Variants in USP34 observed in about 807,000 individuals in gnomAD.
USP34 encodes ubiquitin carboxyl-terminal hydrolase 34.
USP34 carries 70 observed loss-of-function variants against 460.3 expected under a neutral mutation model. The observed-to-expected ratio is 0.15, with a 90% CI of 0.13 to 0.19. The LOEUF is 0.19. USP34 is among the 10% of genes least tolerant of loss of function. The pLI, the probability that USP34 is intolerant of heterozygous loss-of-function variation, is 1.00. For synonymous variants in USP34, 1,647 were observed against 1,405.3 expected, an observed-to-expected ratio of 1.17 and a Z score of -3.85; for missense variants, 3,985 against 4,236.2, an observed-to-expected ratio of 0.94 and a Z score of 1.65.
rs116517111 is a variant in USP34, at chr2:61,240,966, C to T, written c.6777+594G>A. Among the ~76,000 whole-genome samples, 942 of 152,194 alleles carry T rather than the reference C, an allele frequency of 6.2e-3. 9 individuals carry two copies. The highest frequency in any genetic ancestry group is 0.021 in the African/African-American group (862 of 41,498). On this transcript the variant is annotated intron_variant, in intron 53 of 79. Coordinates refer to ENST00000398571, the MANE Select transcript of USP34 (RefSeq NM_014709.4). ...CACAACAGAAGGAACACTTACAAAC[C>T]CATCATCCAATCTAAGAAGCAAAAC... is the stretch of plus-strand genomic sequence containing the variant.
chr2:61,274,144 C>T (rs535124420), intron 41 of USP34, among the ~76,000 whole-genome samples: 110 of 151,886 alleles, frequency 7.2e-4, no homozygotes, highest in Non-Finnish European at 1.1e-3. Flanking sequence ...AATGCCAGCA[C>T]TTTGGGAGGT....
chr2:61,420,357 A>C (rs2103971512), intron 2 of USP34, among the ~76,000 whole-genome samples: 1 of 152,336 alleles, frequency 6.6e-6, no homozygotes, highest in East Asian at 1.9e-4. Context: ...TAATACACAT[A>C]ATTATAGAAA....
In USP34 at chr2:61,319,160, G is replaced by T. The variant is rs771506978; in HGVS notation, c.3168+13C>A. On this transcript the variant is annotated intron_variant, in intron 22 of 79. Coordinates refer to ENST00000398571, the MANE Select transcript of USP34 (RefSeq NM_014709.4). ...ATGGAAAAATAATAACAAACTGAGA[G>T]AAATGTAATTACCTTCTCCAGGAAA... is the stretch of plus-strand genomic sequence containing the variant. 48 of 1,538,374 alleles carry T rather than the reference G, an allele frequency of 3.1e-5. No individual in the cohort carries two copies. The highest frequency in any genetic ancestry group is 4.0e-5 in the Non-Finnish European group (46 of 1,151,930).
intron 1 of USP34, among the ~76,000 whole-genome samples, chr2:61,465,047 A>C (rs149669386): frequency 2.2e-4 from 34 of 152,190 alleles, no homozygotes; most frequent in African/African-American, 7.0e-4. Flanking sequence ...AAGCTTTTTA[A>C]ATGTTTTTAA....
At chr2:61,429,439 T>C (rs1002984584) in intron 1 of USP34, among the ~76,000 whole-genome samples, 3 of 151,942 alleles carry the variant, frequency 2.0e-5, no homozygotes, top group Admixed American at 6.6e-5. Context: ...AGAGCGAGAC[T>C]CCGTCTCAAA....
At chr2:61,410,131 T>G (rs556553854) in intron 2 of USP34, among the ~76,000 whole-genome samples, 27 of 152,202 alleles carry the variant, frequency 1.8e-4, no homozygotes, top group Non-Finnish European at 3.1e-4. Context: ...ACACATTACA[T>G]CTATTGTGCA....
chr2:61,248,682 C>T lies in USP34; in HGVS notation c.6223G>A (p.Ala2075Thr). 3 of 1,543,440 alleles carry T rather than the reference C, an allele frequency of 1.9e-6. No individual in the cohort carries two copies. Among genetic ancestry groups the T allele is most frequent in the Non-Finnish European group, 1.7e-6 (2 of 1,142,854 alleles). The change falls in exon 49 of 80, where the codon GCA becomes ACA. Residue 2075 changes from alanine (A) to threonine (T), a missense_variant and splice_region_variant. This residue lies in a region of USP34 where 145 missense variants were observed against 291.6 expected (regional missense o/e 0.50). Coordinates refer to ENST00000398571, the MANE Select transcript of USP34 (RefSeq NM_014709.4). ...CGKKVRAEKRACFKKLPRILS... is the reference protein window; with the variant it reads ...CGKKVRAEKRTCFKKLPRILS... ...ATGCGAGGCAATTTCTTAAAACATG[C>T]CCTGAGAGACAAGAAAAAAATTAAT...
intron 62 of USP34, chr2:61,223,548 A>T: frequency 2.4e-6 from 1 of 414,476 alleles, no homozygotes. Flanking sequence ...TATATAAAAC[A>T]GTAGGATGGG....
At chr2:61,275,923 A>T (rs1057255258) in intron 41 of USP34, among the ~76,000 whole-genome samples, 2 of 152,220 alleles carry the variant, frequency 1.3e-5, no homozygotes, top group African/African-American at 4.8e-5. Context: ...AAGTAAAAAA[A>T]TAGTAATAAT....
At chr2:61,420,252 C>A (rs559730428) in intron 2 of USP34, among the ~76,000 whole-genome samples, 1 of 152,128 alleles carries the variant, frequency 6.6e-6, no homozygotes, top group South Asian at 2.1e-4. Flanking sequence ...CATTGAGGAA[C>A]AGGAATCCTT....
chr2:61,388,898 T>G (rs375593096), intron 5 of USP34, among the ~76,000 whole-genome samples: 1 of 151,958 alleles, frequency 6.6e-6, no homozygotes, highest in Non-Finnish European at 1.5e-5. Context: ...CTGACACCCA[T>G]ATGAACTGTA....
At chr2:61,288,161 G>A (rs1169806331) in intron 34 of USP34, among the ~76,000 whole-genome samples, 1 of 152,202 alleles carries the variant, frequency 6.6e-6, no homozygotes, top group Admixed American at 6.5e-5. Context: ...GAGCATAAGA[G>A]CGTAACTGCT....
At chr2:61,343,686 C>G (rs1328379316) in intron 16 of USP34, 129 bp downstream of exon 16, 12 of 921,170 alleles carry the variant, frequency 1.3e-5, no homozygotes, top group Non-Finnish European at 1.9e-5. Context: ...AAAAAACTAC[C>G]ATATGTAAGT....
chr2:61,395,098 C>T (rs1693475924), intron 4 of USP34, 85 bp downstream of exon 4: 2 of 1,445,590 alleles, frequency 1.4e-6, no homozygotes, highest in African/African-American at 1.5e-5. Context: ...ACTCAAAAGA[C>T]ATATATAAAT....
chr2:61,243,855 T>C (rs1195526938), intron 51 of USP34, among the ~76,000 whole-genome samples: 1 of 149,236 alleles, frequency 6.7e-6, no homozygotes, highest in Non-Finnish European at 1.5e-5. Context: ...GGTGACAGAG[T>C]GAGACTGTCT....
chr2:61,469,716 T>A (rs553108394), intron 1 of USP34, among the ~76,000 whole-genome samples: 1 of 152,220 alleles, frequency 6.6e-6, no homozygotes, highest in Admixed American at 6.5e-5. Context: ...AAACTGTTCA[T>A]AAGTGAGCAT....
chr2:61,265,240 A>T (rs1346458526), intron 43 of USP34, 157 bp downstream of exon 43: 2 of 778,096 alleles, frequency 2.6e-6, no homozygotes, highest in Non-Finnish European at 4.0e-6. Flanking sequence ...TAAAATGTAT[A>T]ACTATGTAAA....
At chr2:61,238,145 C>T (rs964510608) in intron 53 of USP34, among the ~76,000 whole-genome samples, 1 of 152,086 alleles carries the variant, frequency 6.6e-6, no homozygotes, top group Non-Finnish European at 1.5e-5. Flanking sequence ...ATCCACCTGC[C>T]TCAGCCTCCC....
chr2:61,329,276 T>G lies in USP34; in HGVS notation c.2930+2000A>C, dbSNP rs143519941. On this transcript the variant is annotated intron_variant, in intron 20 of 79. Transcript: ENST00000398571. ...CCCAACCTCAGGTGATCTGCCTGCC[T>G]CAGCCTCCCAAAGTGTTGGGATTAC... is the stretch of plus-strand genomic sequence containing the variant. Among the ~76,000 whole-genome samples, 297 of 152,204 alleles carry G rather than the reference T, an allele frequency of 2.0e-3. 1 individual carries two copies. Among genetic ancestry groups the G allele is most frequent in the Middle Eastern group, 0.01 (3 of 294 alleles).
Sources: allele counts gnomAD v4.1 joint callset (sites outside exome capture counted in the v4.1 genomes callset), GRCh38; gene constraint gnomAD v4.1.1; regional missense constraint gnomAD v4.1.1; transcripts MANE v1.5; gene names NCBI Gene and HGNC (gene_info 2026-07-23, HGNC 2026-07-21).